The following RHPN2 variants were observed in gnomAD, a reference collection of about 807,000 sequenced individuals.
The protein encoded by RHPN2 is rhophilin-2.
Under a neutral mutation model 79.0 loss-of-function variants are expected in RHPN2, and 40 were observed. The ratio of observed to expected loss-of-function variants is 0.51; its 90% CI spans 0.39 to 0.66. The LOEUF (loss-of-function observed/expected upper bound fraction) is 0.66, where lower values mean the gene tolerates loss of function less well. RHPN2 is among the 30% of genes least tolerant of loss of function. RHPN2 has a pLI of 0.00. For synonymous variants in RHPN2, 285 were observed against 363.5 expected (o/e 0.78, Z 2.46); for missense variants, 686 against 883.5 (o/e 0.78, Z 2.83).
At chr19:32,996,835 G>A (rs2146005910) in intron 10 of RHPN2, among the ~76,000 whole-genome samples, 1 of 152,076 alleles carries the variant, frequency 6.6e-6, no homozygotes, top group East Asian at 1.9e-4. Flanking sequence ...CTCAAAGTGT[G>A]GCATTTCTCT....
rs549140379 is a variant in RHPN2 at position 33,055,534 on chromosome 19, A to T, written c.69+9250T>A. ...GTAGTATCAGTACCAATAGAGCTGG[A>T]GCTGCTGATCCCACATGACCCACGC... On this transcript the variant is annotated intron_variant, in intron 1 of 14. Coordinates refer to ENST00000254260, the MANE Select transcript of RHPN2 (RefSeq NM_033103.5). Among the ~76,000 whole-genome samples, 12 of 152,166 alleles carry T rather than the reference A, an allele frequency of 7.9e-5. No individual in the cohort carries two copies. The East Asian group carries it at 2.3e-3, about 29-fold the overall frequency.
intron 14 of RHPN2, among the ~76,000 whole-genome samples, chr19:32,990,230 T>A (rs1486610013): frequency 1.3e-5 from 2 of 151,558 alleles, no homozygotes; most frequent in Non-Finnish European, 2.9e-5. Context: ...GGTGGGAGGA[T>A]CACTTAAACC....
Position 33,054,001 on chromosome 19 carries a change from A to G in RHPN2, c.70-9637T>C, listed in dbSNP as rs115154898. ...CAGCCTCCCGAGAAGCTGGGACTAC[A>G]GGTCCACACCACCACACTTGGCTAA... On this transcript the variant is annotated intron_variant, in intron 1 of 14. Coordinates refer to ENST00000254260, the MANE Select transcript of RHPN2 (RefSeq NM_033103.5). Among the ~76,000 whole-genome samples the G allele has an allele frequency of 2.9e-3, 434 of 152,036 alleles. 2 individuals are homozygous for G. Among genetic ancestry groups the G allele is most frequent in the African/African-American group, 0.01 (415 of 41,492 alleles).
At chr19:33,014,569 G>A (rs1356359533) in intron 4 of RHPN2, among the ~76,000 whole-genome samples, 1 of 152,106 alleles carries the variant, frequency 6.6e-6, no homozygotes, top group Non-Finnish European at 1.5e-5. Flanking sequence ...GCTTCCCAAA[G>A]TGTTGGGATT....
At chr19:33,020,907 T>G (rs577546618) in intron 4 of RHPN2, among the ~76,000 whole-genome samples, 1 of 152,342 alleles carries the variant, frequency 6.6e-6, no homozygotes, top group African/African-American at 2.4e-5. Context: ...GCTGGCAGTA[T>G]GTTCTTGGAA....
intron 14 of RHPN2, 150 bp from the exon 15 acceptor site, chr19:32,980,406 A>C: frequency 1.2e-6 from 1 of 864,742 alleles, no homozygotes. Context: ...TCAGGAGTTC[A>C]AGACCAGCCT....
chr19:33,020,478 C>A (rs1317639802), intron 4 of RHPN2, among the ~76,000 whole-genome samples: 4 of 150,076 alleles, frequency 2.7e-5, no homozygotes, highest in African/African-American at 7.4e-5. Flanking sequence ...CAGGCATATG[C>A]CACTATGCCC....
rs374374604 is a variant in RHPN2, at chr19:33,020,420, G to C, written c.390+1151C>G. ...AGCTCACTGCATCCTCTGCCTCCTG[G>C]GTTCAAGCGACTCTCTCGTGCCTCA... On this transcript the variant is annotated intron_variant, in intron 4 of 14. Transcript: ENST00000254260. Among the ~76,000 whole-genome samples, 20 of 150,240 alleles carry C rather than the reference G, an allele frequency of 1.3e-4. No individual in the cohort carries two copies. In the East Asian group the frequency reaches 1.8e-3, roughly 13 times the overall value.
intron 2 of RHPN2, among the ~76,000 whole-genome samples, chr19:33,037,298 C>T (rs1426948184): frequency 6.6e-6 from 1 of 152,150 alleles, no homozygotes; most frequent in Admixed American, 6.6e-5. Context: ...CATGGAGAAC[C>T]TTTGTGTCTA....
chr19:33,033,952 T>C (rs1453256306), intron 2 of RHPN2, among the ~76,000 whole-genome samples: 1 of 151,984 alleles, frequency 6.6e-6, no homozygotes, highest in Non-Finnish European at 1.5e-5. Context: ...AGCTTCCACG[T>C]AATGCCAACT....
At chr19:33,040,134 C>T (rs561487019) in intron 2 of RHPN2, among the ~76,000 whole-genome samples, 5 of 151,984 alleles carry the variant, frequency 3.3e-5, no homozygotes, top group South Asian at 4.1e-4. Context: ...CTCAGCACAA[C>T]AGGGGAACCT....
chr19:33,064,632 C>T (rs1057181977), intron 1 of RHPN2, 152 bp downstream of exon 1: 3 of 764,462 alleles, frequency 3.9e-6, no homozygotes, highest in Admixed American at 3.5e-5. Flanking sequence ...TCCTCCCCGC[C>T]AGCCTCCGTC....
chr19:32,989,355 C>T (rs553569142), intron 14 of RHPN2, among the ~76,000 whole-genome samples: 101 of 152,128 alleles, frequency 6.6e-4, no homozygotes, highest in Admixed American at 2.8e-3. Flanking sequence ...GCAATCTGCC[C>T]ACCTCAGCCT....
chr19:33,060,798 C>G (rs958992620), intron 1 of RHPN2, among the ~76,000 whole-genome samples: 3 of 152,138 alleles, frequency 2.0e-5, no homozygotes, highest in African/African-American at 7.2e-5. Context: ...TCCCAAAATG[C>G]TGAGATTACA....
intron 7 of RHPN2, among the ~76,000 whole-genome samples, chr19:33,005,404 T>A (rs1450497863): frequency 2.5e-5 from 3 of 119,324 alleles, no homozygotes; most frequent in African/African-American, 9.9e-5. Flanking sequence ...CAGAGTGAGA[T>A]TCTGTCTCAA....
chr19:33,006,293 C>T (rs1679296975), intron 7 of RHPN2, among the ~76,000 whole-genome samples: 1 of 152,134 alleles, frequency 6.6e-6, no homozygotes, highest in Non-Finnish European at 1.5e-5. Flanking sequence ...AACTCCTGGG[C>T]TTAAGTGATC....
chr19:32,984,850 G>A (rs1213378530), intron 14 of RHPN2, among the ~76,000 whole-genome samples: 1 of 152,114 alleles, frequency 6.6e-6, no homozygotes, highest in Non-Finnish European at 1.5e-5. Flanking sequence ...GCTCATTCCT[G>A]TAATCCTAAC....
At chr19:33,063,808 A>ACCCGACG (rs1972302318) in intron 1 of RHPN2, among the ~76,000 whole-genome samples, 1 of 131,162 alleles carries the variant, frequency 7.6e-6, no homozygotes, top group African/African-American at 3.0e-5. Context: ...GGCACCCGCC[A>ACCCGACG]CCCGCCGCCC....
At chr19:33,005,637 C>T (rs1196954246) in intron 7 of RHPN2, among the ~76,000 whole-genome samples, 4 of 149,228 alleles carry the variant, frequency 2.7e-5, no homozygotes, top group Non-Finnish European at 5.9e-5. Context: ...CCCTGCCCTG[C>T]GGAGGGATGG....
Sources: gnomAD v4.1 joint callset for allele counts (sites outside exome capture counted in the v4.1 genomes callset) on GRCh38, gnomAD v4.1.1 for gene constraint, MANE v1.5 for transcripts, NCBI Gene and HGNC (gene_info 2026-07-23, HGNC 2026-07-21) for gene names.